The following TRPC6 variants were observed in gnomAD, a reference collection of about 807,000 sequenced individuals.
TRPC6 encodes the protein short transient receptor potential channel 6.
In TRPC6, 55 loss-of-function variants were observed where a neutral mutation model predicts 90.7. That is an observed-to-expected ratio of 0.61 (90% CI 0.49 to 0.76). The LOEUF (loss-of-function observed/expected upper bound fraction) is 0.76, where lower values mean the gene tolerates loss of function less well. Ranked by LOEUF, TRPC6 falls within the 30% of genes least tolerant of loss-of-function variation. The pLI is 0.00. For synonymous variants in TRPC6, 393 were observed against 393.0 expected (o/e 1.00, Z 0.00); for missense variants, 989 against 1,122.7 (o/e 0.88, Z 1.70).
chr11:101,557,735 A>G (rs538361791), intron 1 of TRPC6, among the ~76,000 whole-genome samples: 1 of 152,284 alleles, frequency 6.6e-6, no homozygotes, highest in African/African-American at 2.4e-5. Flanking sequence ...ACTACCCAAA[A>G]AAAGAAATCA....
chr11:101,548,316 TATA>T (rs1861362091), intron 1 of TRPC6, among the ~76,000 whole-genome samples: 2 of 128,670 alleles, frequency 1.6e-5, no homozygotes, highest in African/African-American at 5.7e-5. Flanking sequence ...CAATATAATA[TATA>T]ATTATATATA....
At chr11:101,524,894 G>C (rs1374547964) in intron 1 of TRPC6, among the ~76,000 whole-genome samples, 1 of 152,144 alleles carries the variant, frequency 6.6e-6, no homozygotes, top group Non-Finnish European at 1.5e-5. Flanking sequence ...ATTTTTCCTT[G>C]ATACAAAATG....
At chr11:101,576,107 A>G (rs951414250) in intron 1 of TRPC6, among the ~76,000 whole-genome samples, 5 of 152,208 alleles carry the variant, frequency 3.3e-5, no homozygotes, top group African/African-American at 1.2e-4. Flanking sequence ...CTGGCTGTGT[A>G]ACTTACTGCA....
At chr11:101,460,013 G>T (rs770408134) in intron 10 of TRPC6, among the ~76,000 whole-genome samples, 2 of 152,076 alleles carry the variant, frequency 1.3e-5, no homozygotes, top group Non-Finnish European at 2.9e-5. Context: ...TTGCTGAAGG[G>T]GCAGAGATGT....
chr11:101,458,985 G>A (rs915611721), intron 10 of TRPC6, among the ~76,000 whole-genome samples: 1 of 152,080 alleles, frequency 6.6e-6, no homozygotes, highest in Non-Finnish European at 1.5e-5. Flanking sequence ...CATACACTAG[G>A]GCCAAACCAT....
chr11:101,570,038 G>C (rs1861924008), intron 1 of TRPC6, among the ~76,000 whole-genome samples: 1 of 151,972 alleles, frequency 6.6e-6, no homozygotes, highest in African/African-American at 2.4e-5. Context: ...AACTGAAGGA[G>C]ATAGAGACAC....
chr11:101,503,983 C>G (rs200292910), intron 2 of TRPC6, 41 bp downstream of exon 2: 81 of 1,613,390 alleles, frequency 5.0e-5, no homozygotes, highest in Non-Finnish European at 6.6e-5. Flanking sequence ...CACCTTGACT[C>G]TGGCTTGTGG....
At chr11:101,470,878 G>A (rs988776508) in intron 9 of TRPC6, among the ~76,000 whole-genome samples, 34 of 142,200 alleles carry the variant, frequency 2.4e-4, no homozygotes, top group Non-Finnish European at 4.5e-4. Context: ...TAGGAAAAGT[G>A]AGGGACATGT....
At chr11:101,549,416 T>C (rs951279499) in intron 1 of TRPC6, among the ~76,000 whole-genome samples, 1 of 151,774 alleles carries the variant, frequency 6.6e-6, no homozygotes, top group African/African-American at 2.4e-5. Context: ...CATGTTTTAT[T>C]TAGCTAGCTA....
rs61160203 is a variant in TRPC6, at chr11:101,484,595, ATGTGTGTGTGTGTG to A, written c.1294-1444_1294-1431del. The stretch of plus-strand genomic sequence containing the variant: ...ATTGTATCTCTCTCTCTCTCATGCT[ATGTGTGTGTGTGTG>A]TGTGTGTGTGTGTGTGTGTGTGTGT... On this transcript the variant is annotated intron_variant, in intron 4 of 12. Coordinates refer to ENST00000344327, the MANE Select transcript of TRPC6 (RefSeq NM_004621.6). Among the ~76,000 whole-genome samples the A allele has an allele frequency of 2.3e-3, 320 of 140,860 alleles. 3 individuals carry two copies. The highest frequency in any genetic ancestry group is 3.0e-3 in the Non-Finnish European group (198 of 65,066). 92.4% of individuals were successfully genotyped at this position (140,860 alleles called of 152,430 possible).
intron 8 of TRPC6, among the ~76,000 whole-genome samples, 173 bp downstream of exon 8, chr11:101,471,964 G>A (rs537566980): frequency 2.0e-5 from 3 of 152,268 alleles, no homozygotes; most frequent in Admixed American, 2.0e-4. Flanking sequence ...TACTGATGTT[G>A]CATTTGGAAG....
In TRPC6 at chr11:101,483,163, C is replaced by T. The variant is rs1859593076; in HGVS notation, c.1296G>A (p.Met432Ile). 3.1e-6 allele frequency: 5 copies of T among 1,613,846 alleles called. No individual in the cohort carries two copies. The highest frequency in any genetic ancestry group is 1.1e-5 in the South Asian group (1 of 91,078). Reference sequence around the variant, plus strand: ...TGAATGGTCCACGCATTATCTTCCCCATCTGCCACAACACACACCAAAATA... The same window carrying T: ...TGAATGGTCCACGCATTATCTTCCCTATCTGCCACAACACACACCAAAATA... The part of the protein sequence containing the change: ...LIYWFAPCSK[M>I]GKIMRGPFMK... Residue 432 changes from methionine (M) to isoleucine (I), a missense_variant and splice_region_variant, in exon 5 of 13, where the codon ATG becomes ATA. Met to Ile is a conservative substitution (Grantham distance 10). Transcript: ENST00000344327.
At chr11:101,474,526 A>G (rs1859368743) in intron 6 of TRPC6, among the ~76,000 whole-genome samples, 1 of 152,170 alleles carries the variant, frequency 6.6e-6, no homozygotes, top group African/African-American at 2.4e-5. Flanking sequence ...AGGAGAGGAT[A>G]ACAAGAAACT....
intron 10 of TRPC6, among the ~76,000 whole-genome samples, chr11:101,463,278 G>C (rs567740993): frequency 6.6e-6 from 1 of 152,088 alleles, no homozygotes; most frequent in African/African-American, 2.4e-5. Context: ...TTCTTTTTCT[G>C]TTGCGTCTCT....
chr11:101,581,564 G>A (rs1591154960), intron 1 of TRPC6, among the ~76,000 whole-genome samples: 1 of 152,164 alleles, frequency 6.6e-6, no homozygotes, highest in East Asian at 1.9e-4. Context: ...TAGTCACCTA[G>A]TTTAGCCAGG....
At chr11:101,520,918 C>T (rs930227875) in intron 1 of TRPC6, among the ~76,000 whole-genome samples, 1 of 152,142 alleles carries the variant, frequency 6.6e-6, no homozygotes, top group African/African-American at 2.4e-5. Context: ...CAGCTTCTAA[C>T]AGCATTTGCT....
At chr11:101,528,538 C>A (rs547670636) in intron 1 of TRPC6, among the ~76,000 whole-genome samples, 9 of 152,232 alleles carry the variant, frequency 5.9e-5, no homozygotes, top group African/African-American at 2.2e-4. Context: ...TTACATGAGG[C>A]AACACATTAT....
chr11:101,572,067 A>C (rs1391120254), intron 1 of TRPC6, among the ~76,000 whole-genome samples: 1 of 152,240 alleles, frequency 6.6e-6, no homozygotes, highest in Non-Finnish European at 1.5e-5. Context: ...AGAAACTATC[A>C]TCAGATTGAA....
intron 1 of TRPC6, among the ~76,000 whole-genome samples, chr11:101,510,330 T>C (rs1421591582): frequency 1.3e-5 from 2 of 152,160 alleles, no homozygotes; most frequent in Non-Finnish European, 2.9e-5. Flanking sequence ...AACTATGTTG[T>C]AGAATTTTAC....
Sources: gnomAD v4.1 joint callset for allele counts (sites outside exome capture counted in the v4.1 genomes callset) on GRCh38, gnomAD v4.1.1 for gene constraint, MANE v1.5 for transcripts, NCBI Gene and HGNC (gene_info 2026-07-23, HGNC 2026-07-21) for gene names.